Variants in ERBB3 observed in about 807,000 individuals in gnomAD.
ERBB3 encodes receptor tyrosine-protein kinase erbB-3.
A neutral mutation model predicts 156.7 loss-of-function variants in ERBB3; 96 were observed. That is an observed-to-expected ratio of 0.61 (90% confidence interval 0.52 to 0.73). The LOEUF (loss-of-function observed/expected upper bound fraction) is 0.73, where lower values mean the gene tolerates loss of function less well. Among genes scored for constraint, ERBB3 ranks in the 30% least tolerant of loss-of-function variants. The pLI, the probability that ERBB3 is intolerant of heterozygous loss-of-function variation, is 0.00. For missense variants in ERBB3, 1,406 were observed against 1,709.4 expected (o/e 0.82, Z 3.13); for synonymous variants, 567 against 632.0 (o/e 0.90, Z 1.54).
intron 1 of ERBB3, among the ~76,000 whole-genome samples, chr12:56,082,716 A>G (rs1156600684): frequency 2.0e-5 from 3 of 152,144 alleles, no homozygotes; most frequent in African/African-American, 7.2e-5. Flanking sequence ...AGGACTTCCC[A>G]TAGCCCGTTG....
chr12:56,098,334 C>T (rs921841375), intron 21 of ERBB3, 166 bp from the exon 22 acceptor site: 1 of 644,600 alleles, frequency 1.6e-6, no homozygotes, highest in Non-Finnish European at 2.8e-6. Context: ...ATGGCGTGAA[C>T]CCAGGAGGCG....
Position 56,092,951 on chromosome 12 carries a change from G to T in ERBB3, c.1184-35G>T, listed in dbSNP as rs370856466. 123 of 1,583,598 alleles carry T rather than the reference G, an allele frequency of 7.8e-5. No homozygotes were observed. The African/African-American group carries it at 1.3e-3, about 16-fold the overall frequency. ...CCAGGAGAACCCAAGAAAGAAGAAG[G>T]CTCCCTGCCCATATGCCTCTCTCCA... On this transcript the variant is annotated intron_variant, in intron 10 of 27. Transcript: ENST00000267101.
At chr12:56,091,758 G>A (rs1868721244) in intron 9 of ERBB3, among the ~76,000 whole-genome samples, 1 of 152,130 alleles carries the variant, frequency 6.6e-6, no homozygotes, top group Non-Finnish European at 1.5e-5. Flanking sequence ...GGTGATATCT[G>A]TCAGGTTTTT....
At chr12:56,091,647 A>G (rs1189068736) in intron 9 of ERBB3, among the ~76,000 whole-genome samples, 1 of 151,814 alleles carries the variant, frequency 6.6e-6, no homozygotes, top group African/African-American at 2.4e-5. Context: ...GAGTTTGATA[A>G]GAACACCACA....
At chr12:56,086,386 C>G in intron 3 of ERBB3, 145 bp from the exon 4 acceptor site, 2 of 985,264 alleles carry the variant, frequency 2.0e-6, no homozygotes, top group Admixed American at 3.6e-5. Context: ...AGGGAGTCTT[C>G]TCTGCAGCTT....
chr12:56,094,121 G>A lies in ERBB3; in HGVS notation c.1636G>A (p.Glu546Lys). ...CAGGGAGCCTCGAGAATTTGCCCAT[G>A]AGGCCGAATGCTTCTCCTGCCACCC... The part of the protein sequence containing the change: ...LNGEPREFAH[E>K]AECFSCHPEC... The change falls in exon 14 of 28, where the codon GAG becomes AAG. Residue 546 changes from glutamate to lysine, a missense_variant. Physicochemically the swap from Glu to Lys is moderately conservative, Grantham distance 56. Transcript: ENST00000267101. The A allele has an allele frequency of 6.2e-7, 1 of 1,614,086 alleles. No individual in the cohort carries two copies. The highest frequency in any genetic ancestry group is 8.5e-7 in the Non-Finnish European group (1 of 1,180,000).
rs764233895 is a variant in ERBB3 at position 56,100,047 on chromosome 12, T to C, written c.3129+18T>C. The C allele has an allele frequency of 3.1e-6, 5 of 1,612,890 alleles. No individual in the cohort carries two copies. The highest frequency in any genetic ancestry group is 3.4e-6 in the Non-Finnish European group (4 of 1,178,836). ...CACGTGGGGTAAGACAACTTCTAAT[T>C]ACCCAACACTTTGCACCCTGAGCCC... On this transcript the variant is annotated intron_variant, in intron 25 of 27. Transcript: ENST00000267101.
In ERBB3 at chr12:56,099,841, G is replaced by A. The variant is rs777784585; in HGVS notation, c.2941G>A (p.Glu981Lys). The A allele has an allele frequency of 6.2e-7, 1 of 1,614,226 alleles. No homozygotes were observed. The highest frequency in any genetic ancestry group is 1.1e-5 in the South Asian group (1 of 91,084). ...DPPRYLVIKR[E>K]SGPGIAPGPE... Reference sequence around the variant, plus strand: ...TAACAATCACCTATCGATATAGAGAGAGAGTGGGCCTGGAATAGCCCCTGG... The same window carrying A: ...TAACAATCACCTATCGATATAGAGAAAGAGTGGGCCTGGAATAGCCCCTGG... The change falls in exon 25 of 28, where the codon GAG (glutamate) becomes AAG (lysine). Residue 981 changes from glutamate to lysine, a missense_variant. Transcript: ENST00000267101.
chr12:56,093,670 T>C, intron 12 of ERBB3, 94 bp from the exon 13 acceptor site: 1 of 1,579,130 alleles, frequency 6.3e-7, no homozygotes, highest in Non-Finnish European at 8.7e-7. Flanking sequence ...AGAAGGGGGC[T>C]GTTAGGCTGG....
intron 20 of ERBB3, 150 bp downstream of exon 20, chr12:56,097,380 C>A: frequency 1.3e-6 from 1 of 762,324 alleles, no homozygotes; most frequent in Non-Finnish European, 2.3e-6. Flanking sequence ...GGAACCAGGC[C>A]ACAGAGCATG....
chr12:56,087,622 G>T lies in ERBB3; in HGVS notation c.593G>T (p.Gly198Val), dbSNP rs150454821. The change falls in exon 5 of 28, where the codon GGA (glycine) becomes GTA (valine). Residue 198 changes from glycine to valine, a missense_variant. Physicochemically the swap from Gly to Val is moderately radical, Grantham distance 109. Coordinates refer to ENST00000267101, the MANE Select transcript of ERBB3 (RefSeq NM_001982.4). ...EVCKGRCWGP[G>V]SEDCQTLTKT... ...TGCAAGGGGCGATGCTGGGGTCCTG[G>T]ATCAGAAGACTGCCAGACATGTGGG... is the stretch of plus-strand genomic sequence containing the variant. The T allele has an allele frequency of 3.1e-6, 5 of 1,614,012 alleles. No homozygotes were observed. Among genetic ancestry groups the T allele is most frequent in the Non-Finnish European group, 3.4e-6 (4 of 1,180,016 alleles).
Position 56,091,321 on chromosome 12 carries a change from A to AAACATATAAATATATAT in ERBB3, c.1110-1426_1110-1425insAACATATAAATATATAT, listed in dbSNP as rs1257226452. Among the ~76,000 whole-genome samples the AAACATATAAATATATAT allele has an allele frequency of 6.3e-5, 5 of 79,706 alleles. No individual in the cohort carries two copies. In the East Asian group the frequency reaches 1.0e-3, roughly 16 times the overall value. The allele number at this position is 79,706 out of a possible 152,430, so 52.3% of individuals were successfully genotyped here. A position where few individuals can be genotyped will look rare whatever the true frequency, so the allele number is the denominator to read the frequency against. ...AAATAATATATATAAATATAAATAT[A>AAACATATAAATATATAT]TATATATAAATAATATATATAAATA... is the stretch of plus-strand genomic sequence containing the variant. On this transcript the variant is annotated intron_variant, in intron 9 of 27. Transcript: ENST00000267101.
At chr12:56,101,483 C>G in intron 27 of ERBB3, 46 bp from the exon 28 acceptor site, 2 of 1,606,230 alleles carry the variant, frequency 1.2e-6, no homozygotes, top group Non-Finnish European at 1.7e-6. Context: ...TTTCCCCTAC[C>G]CTCATGAAGT....
rs1868797573 is a variant in ERBB3 at position 56,093,800 on chromosome 12, C to G, written c.1517C>G (p.Ser506Cys). 1 of 1,614,026 alleles carries G rather than the reference C, an allele frequency of 6.2e-7. No individual in the cohort carries two copies. The highest frequency in any genetic ancestry group is 8.5e-7 in the Non-Finnish European group (1 of 1,180,002). ...AAAGTGTGTGACCCACTGTGCTCCTCTGGGGGATGCTGGGGCCCAGGCCCT... is the reference window on the plus strand; with the variant it reads ...AAAGTGTGTGACCCACTGTGCTCCTGTGGGGGATGCTGGGGCCCAGGCCCT... Reference protein sequence around the residue: ...EGKVCDPLCSSGGCWGPGPGQ... With the variant: ...EGKVCDPLCSCGGCWGPGPGQ... The change falls in exon 13 of 28, where the codon TCT becomes TGT. Residue 506 changes from serine to cysteine, a missense_variant. Physicochemically the swap from Ser to Cys is moderately radical, Grantham distance 112 (BLOSUM62 -1). Coordinates refer to ENST00000267101, the MANE Select transcript of ERBB3 (RefSeq NM_001982.4).
rs1179736187 is a variant in ERBB3 at position 56,092,654 on chromosome 12, T to C, written c.1110-93T>C. On this transcript the variant is annotated intron_variant, in intron 9 of 27. Transcript: ENST00000267101. ...AGGAATGTTTCCTTTTAGTGGAGAA[T>C]GATATTTAGAAACCAAATGCTGAGG... is the stretch of plus-strand genomic sequence containing the variant. 5 of 869,280 alleles carry C rather than the reference T, an allele frequency of 5.8e-6. No homozygotes were observed. In the Admixed American group the frequency reaches 8.5e-5, roughly 15 times the overall value. The allele number at this position is 869,280 out of a possible 1,614,324, so 53.8% of individuals were successfully genotyped here.
At chr12:56,091,266 T>A (rs867976596) in intron 9 of ERBB3, among the ~76,000 whole-genome samples, 9 of 43,424 alleles carry the variant, frequency 2.1e-4, no homozygotes, top group Middle Eastern at 0.01. Context: ...TTGGCTAATT[T>A]TATATATATA....
At chr12:56,094,295 C>G in intron 14 of ERBB3, 106 bp downstream of exon 14, 1 of 1,474,748 alleles carries the variant, frequency 6.8e-7, no homozygotes, top group South Asian at 1.1e-5. Flanking sequence ...CCAGATAATG[C>G]TAGGGCCTGC....
chr12:56,098,173 G>A (rs1340510664), intron 21 of ERBB3: 2 of 569,734 alleles, frequency 3.5e-6, no homozygotes, highest in Non-Finnish European at 6.2e-6. Context: ...GGGAGGCCAA[G>A]GCGGGTGGAT....
intron 10 of ERBB3, 74 bp downstream of exon 10, chr12:56,092,894 A>G (rs1188427156): frequency 1.9e-6 from 3 of 1,549,802 alleles, no homozygotes; most frequent in Non-Finnish European, 2.7e-6. Flanking sequence ...TAACTACTTG[A>G]GAAAATCACG....
Sources: gnomAD v4.1 joint callset for allele counts (sites outside exome capture counted in the v4.1 genomes callset) on GRCh38, gnomAD v4.1.1 for gene constraint, MANE v1.5 for transcripts, NCBI Gene and HGNC (gene_info 2026-07-23, HGNC 2026-07-21) for gene names.